PLCL1: variants seen among roughly 807,000 people sequenced by gnomAD.
The protein encoded by PLCL1 is phospholipase C like 1 (inactive).
PLCL1 carries 41 observed loss-of-function variants against 84.4 expected under a neutral mutation model. The ratio of observed to expected loss-of-function variants is 0.49; its 90% CI spans 0.38 to 0.63. The LOEUF is 0.63. PLCL1 is among the 30% of genes least tolerant of loss of function. The probability of loss-of-function intolerance (pLI) is 0.00; values close to 1 mark genes in which losing one functional copy is unlikely to be tolerated. For synonymous variants in PLCL1, 490 were observed against 488.3 expected (o/e 1.00, Z -0.05); for missense variants, 1,206 against 1,367.8 (o/e 0.88, Z 1.87).
chr2:198,028,048 C>T (rs1015576774), intron 1 of PLCL1, among the ~76,000 whole-genome samples: 5 of 151,974 alleles, frequency 3.3e-5, no homozygotes, highest in Non-Finnish European at 5.9e-5. Flanking sequence ...GCCATGTTGC[C>T]CAGTCTGGTC....
At chr2:197,917,383 G>A (rs1688617706) in intron 1 of PLCL1, among the ~76,000 whole-genome samples, 2 of 152,150 alleles carry the variant, frequency 1.3e-5, no homozygotes, top group African/African-American at 2.4e-5. Flanking sequence ...CTAAGTGAAA[G>A]GCTACATACT....
At chr2:197,976,179 C>G (rs1689976856) in intron 1 of PLCL1, among the ~76,000 whole-genome samples, 1 of 152,186 alleles carries the variant, frequency 6.6e-6, no homozygotes, top group South Asian at 2.1e-4. Flanking sequence ...CTGCTTCCCA[C>G]CAGCACATCC....
At chr2:197,840,392 GT>G in intron 1 of PLCL1, among the ~76,000 whole-genome samples, 1 of 152,192 alleles carries the variant, frequency 6.6e-6, no homozygotes, top group East Asian at 1.9e-4. Context: ...AATATTGTCA[GT>G]TTTAGAAATC....
At chr2:198,057,350 T>C (rs1692092864) in intron 1 of PLCL1, among the ~76,000 whole-genome samples, 1 of 152,090 alleles carries the variant, frequency 6.6e-6, no homozygotes, top group Non-Finnish European at 1.5e-5. Flanking sequence ...ACCTGTTCCC[T>C]GGTGTGGGGG....
intron 1 of PLCL1, among the ~76,000 whole-genome samples, chr2:197,910,872 T>C (rs1688472808): frequency 6.6e-6 from 1 of 152,232 alleles, no homozygotes; most frequent in African/African-American, 2.4e-5. Flanking sequence ...TTTCTATTAT[T>C]GTTCTATAAA....
intron 1 of PLCL1, among the ~76,000 whole-genome samples, chr2:198,056,149 C>A (rs1214380328): frequency 6.6e-6 from 1 of 152,054 alleles, no homozygotes; most frequent in Non-Finnish European, 1.5e-5. Flanking sequence ...AGACAACAAC[C>A]ATTTCAATAA....
At chr2:198,133,961 T>C (rs1463241239) in intron 5 of PLCL1, among the ~76,000 whole-genome samples, 5 of 152,186 alleles carry the variant, frequency 3.3e-5, no homozygotes, top group African/African-American at 1.2e-4. Flanking sequence ...ATTGTAGTTA[T>C]ACAGAATGTC....
At chr2:197,866,030 A>ATATATATAT (rs1402888594) in intron 1 of PLCL1, among the ~76,000 whole-genome samples, 1 of 71,942 alleles carries the variant, frequency 1.4e-5, no homozygotes, top group Non-Finnish European at 2.5e-5. Flanking sequence ...AAAAAAAAAA[A>ATATATATAT]AAAAAAATAT....
rs1409333449 is a variant in PLCL1 at position 198,149,716 on chromosome 2, A to G, written c.*2754A>G. On this transcript the variant is annotated 3_prime_UTR_variant, in exon 6 of 6. Transcript: ENST00000428675. ...CATTTTGATTTATATCCCTTTAGAC[A>G]CTGTTTAGAGTTTATACATATATGT... 1 of 152,136 alleles carries G rather than the reference A, an allele frequency of 6.6e-6. No homozygotes were observed. Among genetic ancestry groups the G allele is most frequent in the African/African-American group, 2.4e-5 (1 of 41,444 alleles). The allele number at this position is 152,136 out of a possible 1,614,324, so 9.4% of individuals were successfully genotyped here. A position where few individuals can be genotyped will look rare whatever the true frequency, so the allele number is the denominator to read the frequency against.
intron 1 of PLCL1, among the ~76,000 whole-genome samples, chr2:197,850,031 G>GACACACACACACACACAC (rs5837563): frequency 9.6e-4 from 129 of 134,986 alleles, no homozygotes; most frequent in African/African-American, 2.7e-3. Context: ...GACACACACA[G>GACACACACACACACACAC]ACACACACAC....
At chr2:198,053,539 C>T (rs944386835) in intron 1 of PLCL1, among the ~76,000 whole-genome samples, 4 of 152,228 alleles carry the variant, frequency 2.6e-5, no homozygotes, top group Non-Finnish European at 5.9e-5. Flanking sequence ...CCTCTTTATT[C>T]TCTTTTGGCT....
intron 1 of PLCL1, among the ~76,000 whole-genome samples, chr2:197,994,543 A>G (rs1161253403): frequency 6.6e-6 from 1 of 152,222 alleles, no homozygotes; most frequent in Non-Finnish European, 1.5e-5. Flanking sequence ...ACATTTTCCC[A>G]ATGTAGAAAC....
intron 1 of PLCL1, among the ~76,000 whole-genome samples, chr2:197,938,749 G>T (rs1574958873): frequency 6.6e-6 from 1 of 152,116 alleles, no homozygotes; most frequent in Non-Finnish European, 1.5e-5. Context: ...TGGATCTGAG[G>T]TTTGTGTGAT....
At chr2:197,914,211 TTAAGAG>T (rs1032272523) in intron 1 of PLCL1, among the ~76,000 whole-genome samples, 3 of 152,116 alleles carry the variant, frequency 2.0e-5, no homozygotes, top group Non-Finnish European at 4.4e-5. Context: ...GTTGGAGCAT[TTAAGAG>T]TAAATCACAG....
rs1223736513 is a variant in PLCL1, at chr2:197,866,036, A to AT, written c.240+60697_240+60698insT. Among the ~76,000 whole-genome samples the AT allele has an allele frequency of 1.1e-3, 32 of 28,230 alleles. 3 individuals carry two copies. The highest frequency in any genetic ancestry group is 1.6e-3 in the Non-Finnish European group (27 of 16,854). 18.5% of individuals were successfully genotyped at this position (28,230 alleles called of 152,430 possible). ...AAAAAAAAAAAAAAAAAAAAAAAAA[A>AT]ATATATATATATATATACACACACA... is the stretch of plus-strand genomic sequence containing the variant. On this transcript the variant is annotated intron_variant, in intron 1 of 5. Transcript: ENST00000428675.
intron 1 of PLCL1, among the ~76,000 whole-genome samples, chr2:197,897,998 T>C (rs1688188244): frequency 6.6e-6 from 1 of 152,212 alleles, no homozygotes; most frequent in Non-Finnish European, 1.5e-5. Flanking sequence ...TGCCATATAT[T>C]ATAGTAATAA....
chr2:197,976,067 G>C (rs903245722), intron 1 of PLCL1, among the ~76,000 whole-genome samples: 1 of 151,930 alleles, frequency 6.6e-6, no homozygotes, highest in Non-Finnish European at 1.5e-5. Flanking sequence ...CTCACTCTTG[G>C]CCTTATTCTA....
intron 1 of PLCL1, among the ~76,000 whole-genome samples, chr2:197,937,968 C>G (rs1033521339): frequency 6.6e-6 from 1 of 152,088 alleles, no homozygotes; most frequent in Non-Finnish European, 1.5e-5. Context: ...GTACTTGGGA[C>G]CTGTTGGGCA....
rs1687823365 is a variant in PLCL1 at position 197,881,322 on chromosome 2, A to G, written c.240+75983A>G. 5.3e-5 allele frequency among the ~76,000 whole-genome samples: 8 copies of G among 152,276 alleles called. No individual in the cohort carries two copies. The South Asian group carries it at 1.7e-3, about 32-fold the overall frequency. The stretch of plus-strand genomic sequence containing the variant: ...TTAATGTAAAATTCCTGCTTCACTA[A>G]TCAGATTTTTATCTCTGTTATAGGG... On this transcript the variant is annotated intron_variant, in intron 1 of 5. Transcript: ENST00000428675.
Sources: gnomAD v4.1 joint callset for allele counts (sites outside exome capture counted in the v4.1 genomes callset) on GRCh38, gnomAD v4.1.1 for gene constraint, MANE v1.5 for transcripts, NCBI Gene and HGNC (gene_info 2026-07-23, HGNC 2026-07-21) for gene names.